The following IRF5 variants were observed in gnomAD, a reference collection of about 807,000 sequenced individuals.
The protein encoded by IRF5 is interferon regulatory factor 5.
In IRF5, 24 loss-of-function variants were observed where a neutral mutation model predicts 55.1. That is an observed-to-expected ratio of 0.44 (90% CI 0.32 to 0.61). The LOEUF is 0.61. Among genes scored for constraint, IRF5 ranks in the 20% least tolerant of loss-of-function variants. The pLI, the probability that IRF5 is intolerant of heterozygous loss-of-function variation, is 0.07. For missense variants in IRF5, 499 were observed against 658.5 expected (o/e 0.76, Z 2.65); for synonymous variants, 258 against 260.2 (o/e 0.99, Z 0.08).
rs750273513 is a variant in IRF5 at position 128,948,246 on chromosome 7, C to T, written c.1217C>T (p.Pro406Leu). 3.1e-6 allele frequency: 5 copies of T among 1,613,756 alleles called. No homozygotes were observed. The highest frequency in any genetic ancestry group is 4.2e-6 in the Non-Finnish European group (5 of 1,179,886). Reference sequence around the variant, plus strand: ...TTCCAAAAGGGCCAGACCAACACCCCACCACCCTTCGAGATCTTCTTCTGC... The same window carrying T: ...TTCCAAAAGGGCCAGACCAACACCCTACCACCCTTCGAGATCTTCTTCTGC... ...ILFQKGQTNT[P>L]PPFEIFFCFG... is the part of the protein sequence containing the mutation. Residue 406 changes from proline (P) to leucine (L), a missense_variant, in exon 8 of 9, where the codon CCA becomes CTA. By Grantham distance (98) the Pro-to-Leu change is moderately conservative. Coordinates refer to ENST00000357234, the MANE Select transcript of IRF5 (RefSeq NM_001098629.3). This position sits in a 1 kb window ranked among gnomAD's most constrained non-coding sequence, Gnocchi z 4.6.
chr7:128,946,504 C>A lies in IRF5; in HGVS notation c.389C>A (p.Ser130Tyr), dbSNP rs1487008870. ...CTTTTCTCTCCCTGCTGTGCAGACT[C>A]CCAGCCCCCTGAGGATTACTCTTTT... The part of the protein sequence containing the change: ...VCSNGPAPTD[S>Y]QPPEDYSFGA... Residue 130 changes from serine (S) to tyrosine (Y), a missense_variant, in exon 4 of 9, where the codon TCC (serine) becomes TAC (tyrosine). Physicochemically the swap from Ser to Tyr is moderately radical, Grantham distance 144 (BLOSUM62 -2). Coordinates refer to ENST00000357234, the MANE Select transcript of IRF5 (RefSeq NM_001098629.3). The surrounding 1 kb of genome is among the most constrained non-coding windows in gnomAD (Gnocchi z 4.2). 1.2e-6 allele frequency: 2 copies of A among 1,606,616 alleles called. No homozygotes were observed. Among genetic ancestry groups the A allele is most frequent in the South Asian group, 2.2e-5 (2 of 89,118 alleles).
At chr7:128,943,699 C>A (rs989401834) in intron 2 of IRF5, among the ~76,000 whole-genome samples, 13 of 144,828 alleles carry the variant, frequency 9.0e-5, no homozygotes, top group Non-Finnish European at 1.8e-4. Context: ...TGCCACCATG[C>A]CCGGCTAATT....
rs970726170 is a variant in IRF5 at position 128,946,688 on chromosome 7, T to G, written c.447+126T>G. ...CCCTCTCAATAGTTCTCCTTGTTTCTTCTCCTGGGATTCTGAACGATAGGA... is the reference window on the plus strand; with the variant it reads ...CCCTCTCAATAGTTCTCCTTGTTTCGTCTCCTGGGATTCTGAACGATAGGA... On this transcript the variant is annotated intron_variant, in intron 4 of 8. Transcript: ENST00000357234. The surrounding 1 kb of genome is among the most constrained non-coding windows in gnomAD (Gnocchi z 4.2). The G allele has an allele frequency of 2.9e-6, 2 of 693,752 alleles. No homozygotes were observed. The highest frequency in any genetic ancestry group is 5.1e-6 in the Non-Finnish European group (2 of 395,960). The allele number at this position is 693,752 out of a possible 1,614,324, so 43.0% of individuals were successfully genotyped here. A position where few individuals can be genotyped will look rare whatever the true frequency, so the allele number is the denominator to read the frequency against.
chr7:128,941,582 G>T (rs1009081978), intron 1 of IRF5, among the ~76,000 whole-genome samples: 1 of 152,316 alleles, frequency 6.6e-6, no homozygotes, highest in East Asian at 1.9e-4. Context: ...GGGCAGGGAA[G>T]AATCGAACTA....
In IRF5 at chr7:128,942,116, C is replaced by T. The variant is rs752820843; in HGVS notation, c.35C>T (p.Pro12Leu). 1 of 1,611,770 alleles carries T rather than the reference C, an allele frequency of 6.2e-7. No individual in the cohort carries two copies. The highest frequency in any genetic ancestry group is 1.1e-5 in the South Asian group (1 of 90,918). Residue 12 changes from proline (P) to leucine (L), a missense_variant, in exon 2 of 9, where the codon CCC (proline) becomes CTC (leucine). Around this residue, in one of 2 missense-constraint regions of IRF5, gnomAD observed 305 missense variants for 340.2 expected, o/e 0.90. Transcript: ENST00000357234. ...NQSIPVAPTP[P>L]RRVRLKPWLV... ...TCCATCCCAGTGGCTCCCACCCCAC[C>T]CCGCCGCGTGCGGCTGAAGCCCTGG...
chr7:128,947,410 G>A lies in IRF5; in HGVS notation c.662G>A (p.Gly221Asp), dbSNP rs1796377134. The A allele has an allele frequency of 6.2e-7, 1 of 1,610,898 alleles. No homozygotes were observed. Among genetic ancestry groups the A allele is most frequent in the Middle Eastern group, 1.7e-4 (1 of 6,038 alleles). ...PDPSPLAPPP[G>D]NPAGFRELLS... ...CCCAGCCCCCTGGCTCCTCCCCCTG[G>A]CAACCCTGCTGGCTTCAGGGAGCTT... The change falls in exon 6 of 9, where the codon GGC becomes GAC. Residue 221 changes from glycine to aspartate, a missense_variant. Physicochemically the swap from Gly to Asp is moderately conservative, Grantham distance 94. Around this residue, in one of 2 missense-constraint regions of IRF5, gnomAD observed 305 missense variants for 340.2 expected, o/e 0.90. Coordinates refer to ENST00000357234, the MANE Select transcript of IRF5 (RefSeq NM_001098629.3). The surrounding 1 kb of genome is among the most constrained non-coding windows in gnomAD (Gnocchi z 6.5).
rs1284381208 is a variant in IRF5 at position 128,947,472 on chromosome 7, A to G, written c.724A>G (p.Ser242Gly). Residue 242 changes from serine (S) to glycine (G), a missense_variant, in exon 6 of 9, where the codon AGC becomes GGC. By Grantham distance (56) the Ser-to-Gly change is moderately conservative (BLOSUM62 0). This residue lies in a region of IRF5 where 305 missense variants were observed against 340.2 expected (regional missense o/e 0.90). Transcript: ENST00000357234. This position sits in a 1 kb window ranked among gnomAD's most constrained non-coding sequence, Gnocchi z 6.5. The stretch of plus-strand genomic sequence containing the variant: ...CCTGGAGCCTGGGCCCCTGCCTGCC[A>G]GCCTGCCCCCTGCAGGCGAACAGCT... The part of the protein sequence containing the change: ...EVLEPGPLPA[S>G]LPPAGEQLLP... 3 of 1,609,044 alleles carry G rather than the reference A, an allele frequency of 1.9e-6. No individual in the cohort carries two copies. Among genetic ancestry groups the G allele is most frequent in the African/African-American group, 1.3e-5 (1 of 74,764 alleles).
chr7:128,947,092 A>G lies in IRF5; in HGVS notation c.481+36A>G, dbSNP rs1203186049. The G allele has an allele frequency of 6.2e-7, 1 of 1,614,032 alleles. No individual in the cohort carries two copies. Among genetic ancestry groups the G allele is most frequent in the Admixed American group, 1.7e-5 (1 of 60,014 alleles). ...GAGGTGGTGGTTGGGGGTCTAGTAT[A>G]CAGAGAAGCTATAGGTACCATAGGT... On this transcript the variant is annotated intron_variant, in intron 5 of 8. Transcript: ENST00000357234. This position sits in a 1 kb window ranked among gnomAD's most constrained non-coding sequence, Gnocchi z 6.5.
intron 2 of IRF5, among the ~76,000 whole-genome samples, chr7:128,944,343 A>G (rs776409568): frequency 6.6e-6 from 1 of 151,990 alleles, no homozygotes; most frequent in Non-Finnish European, 1.5e-5. Flanking sequence ...TTCATCCTCA[A>G]TTATTTTGGG....
intron 2 of IRF5, 34 bp downstream of exon 2, chr7:128,942,310 A>G: frequency 1.3e-6 from 2 of 1,575,852 alleles, no homozygotes; most frequent in Non-Finnish European, 1.7e-6. Flanking sequence ...CTGGACCTCC[A>G]GGGCACCCTG....
In IRF5 at chr7:128,947,098, A is replaced by G. The variant is rs1462322521; in HGVS notation, c.481+42A>G. The G allele has an allele frequency of 2.5e-6, 4 of 1,613,862 alleles. No individual in the cohort carries two copies. The highest frequency in any genetic ancestry group is 3.4e-6 in the Non-Finnish European group (4 of 1,179,934). On this transcript the variant is annotated intron_variant, in intron 5 of 8. Transcript: ENST00000357234. The surrounding 1 kb of genome is among the most constrained non-coding windows in gnomAD (Gnocchi z 6.5). ...GTGGTTGGGGGTCTAGTATACAGAGAAGCTATAGGTACCATAGGTACCTGG... is the reference window on the plus strand; with the variant it reads ...GTGGTTGGGGGTCTAGTATACAGAGGAGCTATAGGTACCATAGGTACCTGG...
At chr7:128,941,622 C>T (rs1465435276) in intron 1 of IRF5, among the ~76,000 whole-genome samples, 2 of 152,056 alleles carry the variant, frequency 1.3e-5, no homozygotes, top group Non-Finnish European at 1.5e-5. Context: ...AGGCTGTCTT[C>T]GGGCTGATCC....
chr7:128,942,313 G>A (rs746881928), intron 2 of IRF5, 37 bp downstream of exon 2: 13 of 1,573,552 alleles, frequency 8.3e-6, no homozygotes, highest in Non-Finnish European at 1.7e-6. Context: ...GACCTCCAGG[G>A]CACCCTGTCC....
chr7:128,945,965 G>A lies in IRF5; in HGVS notation c.316G>A (p.Gly106Arg). ...CCGGGACTTCCGCCTCATCTACGAC[G>A]GGCCCCGGGACATGCCACCTCAGCC... ...KSRDFRLIYD[G>R]PRDMPPQPYK... The change falls in exon 3 of 9, where the codon GGG becomes AGG. Residue 106 changes from glycine to arginine, a missense_variant. This residue lies in a region of IRF5 where 305 missense variants were observed against 340.2 expected (regional missense o/e 0.90). Transcript: ENST00000357234. The A allele has an allele frequency of 6.2e-7, 1 of 1,613,288 alleles. No homozygotes were observed. Among genetic ancestry groups the A allele is most frequent in the Non-Finnish European group, 8.5e-7 (1 of 1,179,818 alleles).
intron 2 of IRF5, among the ~76,000 whole-genome samples, chr7:128,943,748 T>G (rs1335836457): frequency 8.2e-6 from 1 of 122,062 alleles, no homozygotes; most frequent in Non-Finnish European, 1.7e-5. Context: ...TTTTTGTATT[T>G]TTGGTAAAGA....
chr7:128,946,715 C>T lies in IRF5; in HGVS notation c.447+153C>T. The T allele has an allele frequency of 1.5e-6, 1 of 655,540 alleles. No homozygotes were observed. Among genetic ancestry groups the T allele is most frequent in the South Asian group, 1.8e-5 (1 of 56,102 alleles). The allele number at this position is 655,540 out of a possible 1,614,324, so 40.6% of individuals were successfully genotyped here. The stretch of plus-strand genomic sequence containing the variant: ...CTCCTGGGATTCTGAACGATAGGAG[C>T]ACAGTCCCCACCTGCTCCTTCCCAG... On this transcript the variant is annotated intron_variant, in intron 4 of 8. Coordinates refer to ENST00000357234, the MANE Select transcript of IRF5 (RefSeq NM_001098629.3). This position sits in a 1 kb window ranked among gnomAD's most constrained non-coding sequence, Gnocchi z 4.2.
Position 128,949,041 on chromosome 7 carries a change from G to GAAATTCAGCCATGAGCAGGGAAAGA in IRF5, c.*225_*249dup. 1.7e-6 allele frequency: 1 copy of GAAATTCAGCCATGAGCAGGGAAAGA among 576,078 alleles called. No individual in the cohort carries two copies. The highest frequency in any genetic ancestry group is 3.1e-6 in the Non-Finnish European group (1 of 326,846). The allele number at this position is 576,078 out of a possible 1,614,324, so 35.7% of individuals were successfully genotyped here. A position where few individuals can be genotyped will look rare whatever the true frequency, so the allele number is the denominator to read the frequency against. ...CTGGTCTGGTCAGCCTGGCTCTCGG[G>GAAATTCAGCCATGAGCAGGGAAAGA]AAATTCAGCCATGAGCAGGGAAAGA... On this transcript the variant is annotated 3_prime_UTR_variant, in exon 9 of 9. Transcript: ENST00000357234.
chr7:128,948,305 GAGA>G lies in IRF5; in HGVS notation c.1282_1284del (p.Lys428del). ...AGAATGGCCTGACCGCAAACCCCGA[GAGA>G]AGAAGCTCATTACTGTACAGGTACA... On this transcript the variant is annotated inframe_deletion, in exon 8 of 9. Transcript: ENST00000357234. The surrounding 1 kb of genome is among the most constrained non-coding windows in gnomAD (Gnocchi z 4.6). 4 of 1,609,838 alleles carry G rather than the reference GAGA, an allele frequency of 2.5e-6. No homozygotes were observed. The highest frequency in any genetic ancestry group is 3.4e-6 in the Non-Finnish European group (4 of 1,178,636).
In IRF5 at chr7:128,948,442, G is replaced by A; in HGVS notation, c.1299+114G>A. On this transcript the variant is annotated intron_variant, in intron 8 of 8. Transcript: ENST00000357234. This position sits in a 1 kb window ranked among gnomAD's most constrained non-coding sequence, Gnocchi z 4.6. ...CTCCCTGAGCAGTGTGAACTTGGCG[G>A]CCAGAGACCATCAAGGCTCAGAGCC... 1 of 1,473,406 alleles carries A rather than the reference G, an allele frequency of 6.8e-7. No homozygotes were observed. Among genetic ancestry groups the A allele is most frequent in the Non-Finnish European group, 9.3e-7 (1 of 1,079,004 alleles). 91.3% of individuals were successfully genotyped at this position (1,473,406 alleles called of 1,614,324 possible).
Sources: gnomAD v4.1 joint callset for allele counts (sites outside exome capture counted in the v4.1 genomes callset) on GRCh38, gnomAD v4.1.1 for gene constraint, gnomAD v4.1.1 regional missense constraint, Gnocchi (gnomAD v3.1) non-coding constraint, MANE v1.5 for transcripts, NCBI Gene and HGNC (gene_info 2026-07-23, HGNC 2026-07-21) for gene names.